RIC3: variants seen among roughly 807,000 people sequenced by gnomAD.
RIC3 encodes the protein protein RIC-3.
Under a neutral mutation model 27.3 loss-of-function variants are expected in RIC3, and 28 were observed. That is an observed-to-expected ratio of 1.02 (90% CI 0.76 to 1.41). The LOEUF (loss-of-function observed/expected upper bound fraction) is 1.41. RIC3 is among the 40% of genes most tolerant of loss of function. The probability of loss-of-function intolerance (pLI) is 0.00; values close to 1 mark genes in which losing one functional copy is unlikely to be tolerated. For synonymous variants in RIC3, 184 were observed against 160.4 expected, an observed-to-expected ratio of 1.15 and a Z score of -1.11; for missense variants, 501 against 444.7, an observed-to-expected ratio of 1.13 and a Z score of -1.14.
At chr11:8,159,265 A>C (rs924442244) in intron 1 of RIC3, among the ~76,000 whole-genome samples, 2 of 152,224 alleles carry the variant, frequency 1.3e-5, no homozygotes, top group East Asian at 1.9e-4. Context: ...AGCAAATGCA[A>C]AGGCACTGAA....
chr11:8,102,663 T>A (rs936989265), downstream of RIC3: 2 of 152,172 alleles, frequency 1.3e-5, no homozygotes, highest in Non-Finnish European at 2.9e-5. Flanking sequence ...TCATGGTTGG[T>A]AACCATGTAG....
chr11:8,134,080 T>A (rs1482879361), intron 4 of RIC3, among the ~76,000 whole-genome samples: 1 of 152,110 alleles, frequency 6.6e-6, no homozygotes, highest in Non-Finnish European at 1.5e-5. Flanking sequence ...CGTGCCATGT[T>A]GGTGTGCTGC....
intron 5 of RIC3, among the ~76,000 whole-genome samples, chr11:8,119,576 T>TA (rs562583389): frequency 4.6e-4 from 70 of 152,214 alleles, no homozygotes; most frequent in Admixed American, 4.3e-3. Flanking sequence ...ATGTTAGACC[T>TA]AAAACCATAA....
At chr11:8,143,468 C>A (rs1390742936) in intron 1 of RIC3, among the ~76,000 whole-genome samples, 1 of 150,984 alleles carries the variant, frequency 6.6e-6, no homozygotes, top group African/African-American at 2.4e-5. Flanking sequence ...ATCCAACTTA[C>A]AAGGGATGTG....
chr11:8,157,868 G>A (rs540721535), intron 1 of RIC3, among the ~76,000 whole-genome samples: 2 of 152,128 alleles, frequency 1.3e-5, no homozygotes, highest in Admixed American at 6.5e-5. Context: ...TTGAAAAAAT[G>A]CCTAATTTAC....
At chr11:8,140,283 C>T in intron 1 of RIC3, 90 bp from the exon 2 acceptor site, 1 of 1,180,316 alleles carries the variant, frequency 8.5e-7, no homozygotes, top group Non-Finnish European at 1.2e-6. Context: ...TAAAAGAGGC[C>T]AACACAAACA....
chr11:8,112,294 CTTTTT>C (rs11376341), intron 5 of RIC3, among the ~76,000 whole-genome samples: 6 of 124,316 alleles, frequency 4.8e-5, no homozygotes, highest in Non-Finnish European at 8.5e-5. Context: ...CTTTTCTTTT[CTTTTT>C]TTTTTTTTGA....
At chr11:8,117,661 A>G (rs1187088741) in intron 5 of RIC3, among the ~76,000 whole-genome samples, 1 of 152,194 alleles carries the variant, frequency 6.6e-6, no homozygotes, top group Admixed American at 6.5e-5. Context: ...AGTATGTTGT[A>G]TATTTGAAAA....
intron 5 of RIC3, among the ~76,000 whole-genome samples, chr11:8,111,512 T>C (rs1945263544): frequency 6.6e-6 from 1 of 152,204 alleles, no homozygotes; most frequent in African/African-American, 2.4e-5. Flanking sequence ...TCCAGGCTAA[T>C]GTTTATAATT....
chr11:8,136,240 T>A (rs567212507), intron 4 of RIC3, among the ~76,000 whole-genome samples: 1 of 152,256 alleles, frequency 6.6e-6, no homozygotes, highest in African/African-American at 2.4e-5. Context: ...CCGAAGCCAG[T>A]GAACAAAGGG....
chr11:8,166,710 A>C (rs1180298088), intron 1 of RIC3, among the ~76,000 whole-genome samples: 4 of 152,112 alleles, frequency 2.6e-5, no homozygotes, highest in Non-Finnish European at 5.9e-5. Context: ...ATCTCAACCA[A>C]AAACAAAAAA....
the RIC3 span, chr11:8,096,924 A>T: frequency 1.6e-6 from 2 of 1,234,206 alleles, no homozygotes; most frequent in South Asian, 1.3e-5. Context: ...CTGGCCTCTT[A>T]TGTCCCTCTA....
At chr11:8,126,340 G>A (rs886458714) in intron 5 of RIC3, among the ~76,000 whole-genome samples, 11 of 152,154 alleles carry the variant, frequency 7.2e-5, no homozygotes, top group Admixed American at 7.2e-4. Flanking sequence ...AAGCCAATGA[G>A]TATATGCAGT....
chr11:8,145,008 T>C (rs1949516218), intron 1 of RIC3, among the ~76,000 whole-genome samples: 3 of 103,804 alleles, frequency 2.9e-5, no homozygotes, highest in Non-Finnish European at 1.8e-5. Flanking sequence ...GGAAGGGGAA[T>C]ATCACACTCT....
the RIC3 span, chr11:8,100,944 G>A: frequency 6.2e-7 from 1 of 1,614,156 alleles, no homozygotes; most frequent in Non-Finnish European, 8.5e-7. Context: ...AACTTCCATG[G>A]GCGCGTCACA....
In RIC3 at chr11:8,110,756, G is replaced by C. The variant is rs533919844; in HGVS notation, c.1052C>G (p.Thr351Ser). Residue 351 changes from threonine to serine, a missense_variant, in exon 6 of 6, where the codon ACC becomes AGC. Transcript: ENST00000309737. Reference sequence around the variant, plus strand: ...CATGCTGCCTGTATATGCTTTATCGGTGCTGATGCCCAACCCTTCATCTTT... The same window carrying C: ...CATGCTGCCTGTATATGCTTTATCGCTGCTGATGCCCAACCCTTCATCTTT... ...DFKDEGLGISTDKAYTGSMLR... is the reference protein window; with the variant it reads ...DFKDEGLGISSDKAYTGSMLR... 25 of 1,614,200 alleles carry C rather than the reference G, an allele frequency of 1.5e-5. No individual in the cohort carries two copies. In the South Asian group the frequency reaches 2.3e-4, roughly 15 times the overall value.
In RIC3 at chr11:8,110,237, CAGG is replaced by C; in HGVS notation, c.*458_*460del. The C allele has an allele frequency of 4.0e-6, 1 of 253,042 alleles. No homozygotes were observed. The highest frequency in any genetic ancestry group is 7.7e-6 in the Non-Finnish European group (1 of 129,168). The allele number at this position is 253,042 out of a possible 1,614,324, so 15.7% of individuals were successfully genotyped here. ...CACAAACAAAATGTTCTCTTCTCAC[CAGG>C]GGACTACTAACCTGCTCAAGGCCCA... On this transcript the variant is annotated 3_prime_UTR_variant, in exon 6 of 6. Transcript: ENST00000309737.
chr11:8,125,210 C>T (rs575128717), intron 5 of RIC3, among the ~76,000 whole-genome samples: 19 of 149,612 alleles, frequency 1.3e-4, no homozygotes, highest in Non-Finnish European at 1.3e-4. Flanking sequence ...GCCGAGATGG[C>T]ACCACTGCAC....
At chr11:8,134,616 T>A (rs906312679) in intron 4 of RIC3, among the ~76,000 whole-genome samples, 3 of 152,176 alleles carry the variant, frequency 2.0e-5, no homozygotes, top group Non-Finnish European at 4.4e-5. Flanking sequence ...CCATCAACAG[T>A]GTAAAAGTGT....
Sources: gnomAD v4.1 joint callset for allele counts (sites outside exome capture counted in the v4.1 genomes callset) on GRCh38, gnomAD v4.1.1 for gene constraint, MANE v1.5 for transcripts, NCBI Gene and HGNC (gene_info 2026-07-23, HGNC 2026-07-21) for gene names.